Variants in GRIP2 observed in about 807,000 individuals in gnomAD.
GRIP2 encodes the protein glutamate receptor-interacting protein 2.
A neutral mutation model predicts 108.3 loss-of-function variants in GRIP2; 58 were observed. The observed-to-expected ratio is 0.54, with a 90% CI of 0.43 to 0.67. GRIP2 has a LOEUF of 0.67. Among genes scored for constraint, GRIP2 ranks in the 30% least tolerant of loss-of-function variants. The probability of loss-of-function intolerance (pLI) is 0.00; values close to 1 mark genes in which losing one functional copy is unlikely to be tolerated. For missense variants in GRIP2, 1,278 were observed against 1,430.6 expected, an observed-to-expected ratio of 0.89 and a Z score of 1.72; for synonymous variants, 586 against 598.2, an observed-to-expected ratio of 0.98 and a Z score of 0.30.
intron 1 of GRIP2, 133 bp from the exon 2 acceptor site, chr3:14,526,064 C>T (rs948173955): frequency 1.8e-5 from 13 of 726,634 alleles, no homozygotes; most frequent in South Asian, 1.1e-4. Flanking sequence ...CAGCTCCACC[C>T]GATTCTCTGC....
chr3:14,509,126 C>G (rs1019313404), intron 17 of GRIP2, among the ~76,000 whole-genome samples: 1 of 152,166 alleles, frequency 6.6e-6, no homozygotes, highest in Non-Finnish European at 1.5e-5. Context: ...CCCTCCCATC[C>G]TCTCCCCACC....
At chr3:14,525,816 G>A (rs1694539604) in intron 2 of GRIP2, 35 bp downstream of exon 2, 1 of 1,545,716 alleles carries the variant, frequency 6.5e-7, no homozygotes, top group African/African-American at 1.4e-5. Flanking sequence ...GTGCCTCCAG[G>A]GCAGAAAAAG....
At position 14,496,407 on chromosome 3, in the gene GRIP2, CT is replaced by C. The variant is rs1559329099; in HGVS notation, c.2823+9del. On this transcript the variant is annotated intron_variant, in intron 22 of 23. Transcript: ENST00000621039. ...GGTCCAGGTCTCCTGTGCTCACCCC[CT>C]GTGCCTACCTTGTGCATCTCCAAGG... 2 of 1,605,252 alleles carry C rather than the reference CT, an allele frequency of 1.2e-6. No homozygotes were observed. The highest frequency in any genetic ancestry group is 1.7e-5 in the Admixed American group (1 of 59,322).
chr3:14,598,347 G>GACACACAC, the GRIP2 span, among the ~76,000 whole-genome samples: 2 of 147,520 alleles, frequency 1.4e-5, no homozygotes, highest in Non-Finnish European at 3.0e-5. Context: ...ACCACAGGGG[G>GACACACAC]ACACACACAC....
intron 1 of GRIP2, among the ~76,000 whole-genome samples, chr3:14,550,337 A>C (rs1559355663): frequency 6.6e-6 from 1 of 152,202 alleles, no homozygotes; most frequent in Non-Finnish European, 1.5e-5. Flanking sequence ...GCCCCCAGGA[A>C]GCCCTCCGGC....
chr3:14,513,294 G>A (rs764792515), intron 13 of GRIP2, among the ~76,000 whole-genome samples: 7 of 152,160 alleles, frequency 4.6e-5, no homozygotes, highest in South Asian at 2.1e-4. Flanking sequence ...AACTATTTAC[G>A]GATGGGGAAA....
chr3:14,565,320 G>A, the GRIP2 span, among the ~76,000 whole-genome samples: 1 of 152,346 alleles, frequency 6.6e-6, no homozygotes, highest in Middle Eastern at 3.4e-3. Flanking sequence ...AGAGTCCATT[G>A]AAAGCAGAGT....
chr3:14,567,455 GACATGGCATCCCAGGAA>G, the GRIP2 span, among the ~76,000 whole-genome samples: 2 of 152,018 alleles, frequency 1.3e-5, no homozygotes, highest in African/African-American at 2.4e-5. Context: ...CATCCCAGGA[GACATGGCATCCCAGGAA>G]ACATGGCATC....
Position 14,523,023 on chromosome 3 carries a change from C to A in GRIP2, c.543G>T (p.Val181=). The change falls in exon 6 of 24, where the codon GTG becomes GTT. Residue 181 remains valine, a synonymous_variant. Transcript: ENST00000621039. ...ACCTGTCGGCAGGGCCACCGGGCCG[C>A]ACGTAGGTCAGGACAAGCGGGCGGG... ...HKSRPLVLTY[V]RPGGPADREG... 6.2e-7 allele frequency: 1 copy of A among 1,613,688 alleles called. No individual in the cohort carries two copies. The highest frequency in any genetic ancestry group is 8.5e-7 in the Non-Finnish European group (1 of 1,179,770).
Position 14,521,359 on chromosome 3 carries a change from C to A in GRIP2, c.712+283G>T. On this transcript the variant is annotated intron_variant, in intron 7 of 23. Transcript: ENST00000621039. The surrounding 1 kb of genome is among the most constrained non-coding windows in gnomAD (Gnocchi z 5.1). ...TTCTTTTTTCCATAGCACTTATTGC[C>A]AACTGACATACACCATATCTTATCT... is the stretch of plus-strand genomic sequence containing the variant. 2.8e-6 allele frequency: 1 copy of A among 360,950 alleles called. No homozygotes were observed. The highest frequency in any genetic ancestry group is 4.9e-6 in the Non-Finnish European group (1 of 202,388). The allele number at this position is 360,950 out of a possible 1,614,324, so 22.4% of individuals were successfully genotyped here.
intron 10 of GRIP2, 30 bp downstream of exon 10, chr3:14,517,742 G>A (rs1187209083): frequency 3.1e-6 from 5 of 1,607,850 alleles, no homozygotes; most frequent in Non-Finnish European, 4.2e-6. Flanking sequence ...CTACAAGACT[G>A]GCTGAGCTAC....
intron 1 of GRIP2, among the ~76,000 whole-genome samples, chr3:14,538,384 G>A (rs1694884423): frequency 6.6e-6 from 1 of 152,228 alleles, no homozygotes; most frequent in Non-Finnish European, 1.5e-5. Flanking sequence ...ACTGGAAATA[G>A]GCTCTCTTTC....
At chr3:14,499,724 A>G (rs1693716123) in intron 21 of GRIP2, among the ~76,000 whole-genome samples, 1 of 152,128 alleles carries the variant, frequency 6.6e-6, no homozygotes, top group East Asian at 1.9e-4. Context: ...CCTGAGCAAC[A>G]AACAGAGTGA....
intron 11 of GRIP2, among the ~76,000 whole-genome samples, chr3:14,515,599 A>C (rs909644462): frequency 1.3e-5 from 2 of 151,976 alleles, no homozygotes; most frequent in Non-Finnish European, 2.9e-5. Context: ...AAAATGTGTA[A>C]TATGTTATGT....
intron 22 of GRIP2, among the ~76,000 whole-genome samples, chr3:14,495,297 C>A (rs1248823557): frequency 6.6e-6 from 1 of 152,216 alleles, no homozygotes; most frequent in Admixed American, 6.5e-5. Context: ...GGCACTGTTA[C>A]CTCCCCTGAC....
chr3:14,516,462 G>A (rs1326929140), intron 11 of GRIP2, among the ~76,000 whole-genome samples: 1 of 152,160 alleles, frequency 6.6e-6, no homozygotes, highest in African/African-American at 2.4e-5. Context: ...GCATTATTGT[G>A]TTTTGCCACT....
intron 1 of GRIP2, among the ~76,000 whole-genome samples, chr3:14,532,806 G>A: frequency 6.6e-6 from 1 of 151,954 alleles, no homozygotes. Context: ...AGTTGAGGGC[G>A]GGGCTCAGCC....
intron 4 of GRIP2, 132 bp downstream of exon 4, chr3:14,524,261 G>A (rs987282940): frequency 2.8e-6 from 3 of 1,056,488 alleles, no homozygotes. Context: ...AGGTATGGAT[G>A]CTTGTGGCCA....
At position 14,522,866 on chromosome 3, in the gene GRIP2, C is replaced by G; in HGVS notation, c.566+134G>C. 1.4e-6 allele frequency: 1 copy of G among 723,820 alleles called. No individual in the cohort carries two copies. Among genetic ancestry groups the G allele is most frequent in the South Asian group, 1.6e-5 (1 of 63,232 alleles). 44.8% of individuals were successfully genotyped at this position (723,820 alleles called of 1,614,324 possible). On this transcript the variant is annotated intron_variant, in intron 6 of 23. Coordinates refer to ENST00000621039, the MANE Select transcript of GRIP2 (RefSeq NM_001080423.4). The surrounding 1 kb of genome is among the most constrained non-coding windows in gnomAD (Gnocchi z 4.3). ...TCCATCAACAACTCCCTGAATGACACCGGGCAGGGAGTGTTCCCTCAGGGC... is the reference window on the plus strand; with the variant it reads ...TCCATCAACAACTCCCTGAATGACAGCGGGCAGGGAGTGTTCCCTCAGGGC...
Sources: gnomAD v4.1 joint callset for allele counts (sites outside exome capture counted in the v4.1 genomes callset) on GRCh38, gnomAD v4.1.1 for gene constraint, Gnocchi (gnomAD v3.1) non-coding constraint, MANE v1.5 for transcripts, NCBI Gene and HGNC (gene_info 2026-07-23, HGNC 2026-07-21) for gene names.